Variants in POLQ observed in about 807,000 individuals in gnomAD.
The protein encoded by POLQ is epididymis secretory sperm binding protein.
Under a neutral mutation model 259.2 loss-of-function variants are expected in POLQ, and 233 were observed. The ratio of observed to expected loss-of-function variants is 0.90; its 90% CI spans 0.81 to 1.00. The LOEUF is 1.00. POLQ is among the 50% of genes least tolerant of loss of function. The pLI, the probability that POLQ is intolerant of heterozygous loss-of-function variation, is 0.00. For missense variants in POLQ, 2,871 were observed against 3,051.6 expected (o/e 0.94, Z 1.39); for synonymous variants, 1,025 against 1,048.8 (o/e 0.98, Z 0.44).
At chr3:121,523,439 C>T (rs758497189) in intron 7 of POLQ, among the ~76,000 whole-genome samples, 2 of 152,038 alleles carry the variant, frequency 1.3e-5, no homozygotes, top group Non-Finnish European at 2.9e-5. Flanking sequence ...TGGCTGGGCA[C>T]GGTGGCTGAC....
intron 25 of POLQ, among the ~76,000 whole-genome samples, chr3:121,457,300 A>C (rs2047749598): frequency 6.6e-6 from 1 of 152,192 alleles, no homozygotes; most frequent in Admixed American, 6.5e-5. Context: ...AACCTAGGCA[A>C]TACCATTCAG....
At chr3:121,438,440 T>C (rs1355620333) in intron 27 of POLQ, among the ~76,000 whole-genome samples, 1 of 152,206 alleles carries the variant, frequency 6.6e-6, no homozygotes, top group African/African-American at 2.4e-5. Context: ...AGTCCAAGTT[T>C]CTCAGCCTGC....
intron 12 of POLQ, 37 bp from the exon 13 acceptor site, chr3:121,498,707 T>C (rs766770682): frequency 1.2e-4 from 170 of 1,423,436 alleles, no homozygotes; most frequent in Admixed American, 2.5e-4. Context: ...ACTAAAACTA[T>C]TATATTACAA....
chr3:121,481,673 C>G lies in POLQ; in HGVS notation c.6110G>C (p.Gly2037Ala). The part of the protein sequence containing the change: ...QGIQSLGLNA[G>A]SEHSGRYRAS... The stretch of plus-strand genomic sequence containing the variant: ...TCTGTATCGCCCAGAATGCTCACTG[C>G]CAGCATTTAGCCCCAGGCTTTGAAT... Residue 2037 changes from glycine to alanine, a missense_variant, in exon 19 of 30, where the codon GGC (glycine) becomes GCC (alanine). Coordinates refer to ENST00000264233, the MANE Select transcript of POLQ (RefSeq NM_199420.4). 1 of 1,614,046 alleles carries G rather than the reference C, an allele frequency of 6.2e-7. No individual in the cohort carries two copies. Among genetic ancestry groups the G allele is most frequent in the South Asian group, 1.1e-5 (1 of 91,086 alleles).
intron 26 of POLQ, among the ~76,000 whole-genome samples, chr3:121,440,918 C>G (rs1172355532): frequency 6.6e-6 from 1 of 152,038 alleles, no homozygotes; most frequent in Non-Finnish European, 1.5e-5. Flanking sequence ...ATAAACATGA[C>G]CCACTTCTTA....
Position 121,541,625 on chromosome 3 carries a change from C to T in POLQ, c.344-146G>A, listed in dbSNP as rs2048490794. On this transcript the variant is annotated intron_variant, in intron 2 of 29. Transcript: ENST00000264233. ...CCAATAGCACTTAAAATCTTTATAC[C>T]CTGAAATGCCCTTTACTTTAAACCA... is the stretch of plus-strand genomic sequence containing the variant. The T allele has an allele frequency of 4.7e-6, 3 of 634,060 alleles. No individual in the cohort carries two copies. In the East Asian group the frequency reaches 8.2e-5, roughly 17 times the overall value. 39.3% of individuals were successfully genotyped at this position (634,060 alleles called of 1,614,324 possible). A position where few individuals can be genotyped will look rare whatever the true frequency, so the allele number is the denominator to read the frequency against.
chr3:121,464,623 A>G (rs1039669668), intron 24 of POLQ, among the ~76,000 whole-genome samples: 2 of 152,178 alleles, frequency 1.3e-5, no homozygotes, highest in African/African-American at 4.8e-5. Context: ...TCTAAAATCT[A>G]AAACTTTCTG....
At chr3:121,466,123 T>G (rs1221932222) in intron 24 of POLQ, among the ~76,000 whole-genome samples, 2 of 152,006 alleles carry the variant, frequency 1.3e-5, no homozygotes, top group African/African-American at 4.8e-5. Flanking sequence ...TGGAGAAAAT[T>G]TAAGTGGTCT....
intron 6 of POLQ, among the ~76,000 whole-genome samples, chr3:121,531,406 CTTG>C (rs1282686078): frequency 6.6e-6 from 1 of 152,012 alleles, no homozygotes; most frequent in Non-Finnish European, 1.5e-5. Context: ...GCCAGAAACT[CTTG>C]TTGTATTAAA....
intron 7 of POLQ, among the ~76,000 whole-genome samples, chr3:121,526,826 G>A (rs1008878976): frequency 1.3e-5 from 2 of 152,006 alleles, no homozygotes; most frequent in African/African-American, 4.8e-5. Flanking sequence ...AATCGTAGTA[G>A]AGTCTATAGG....
intron 14 of POLQ, chr3:121,494,556 A>C: frequency 6.3e-7 from 1 of 1,582,716 alleles, no homozygotes; most frequent in Non-Finnish European, 8.6e-7. Flanking sequence ...GTGGAGAACA[A>C]GAAAGCTCAG....
Position 121,436,124 on chromosome 3 carries a change from G to T in POLQ, c.7541C>A (p.Thr2514Lys). Residue 2514 changes from threonine (T) to lysine (K), a missense_variant and splice_region_variant, in exon 28 of 30, where the codon ACA becomes AAA. By Grantham distance (78) the Thr-to-Lys change is moderately conservative (BLOSUM62 -1). This residue lies in a region of POLQ where 2,080 missense variants were observed against 2,126.0 expected (regional missense o/e 0.98). Coordinates refer to ENST00000264233, the MANE Select transcript of POLQ (RefSeq NM_199420.4). ...HREGMLQSDQ[T>K]GLSRKRKLQG... ...ACAGGCCTCATCTATGAACAAACCTGTTTGGTCACTTTGGAGCATACCCTC... is the reference window on the plus strand; with the variant it reads ...ACAGGCCTCATCTATGAACAAACCTTTTTGGTCACTTTGGAGCATACCCTC... 6.2e-7 allele frequency: 1 copy of T among 1,612,490 alleles called. No homozygotes were observed.
chr3:121,517,370 TG>T (rs1235005977), intron 9 of POLQ, among the ~76,000 whole-genome samples: 2 of 152,108 alleles, frequency 1.3e-5, no homozygotes, highest in East Asian at 1.9e-4. Flanking sequence ...TTGGAAGTTT[TG>T]TTTTTTTTTT....
chr3:121,503,851 G>A (rs1046654856), intron 12 of POLQ, among the ~76,000 whole-genome samples: 1 of 152,198 alleles, frequency 6.6e-6, no homozygotes, highest in South Asian at 2.1e-4. Context: ...TGTATGTTCA[G>A]TACAGAAAAA....
intron 24 of POLQ, among the ~76,000 whole-genome samples, chr3:121,460,464 C>T (rs988156499): frequency 6.6e-6 from 1 of 152,128 alleles, no homozygotes; most frequent in East Asian, 1.9e-4. Context: ...GGTAAAGCCA[C>T]CCTGACATCT....
Position 121,487,625 on chromosome 3 carries a change from C to A in POLQ, c.5306G>T (p.Gly1769Val), listed in dbSNP as rs141474955. Residue 1769 changes from glycine (G) to valine (V), a missense_variant, in exon 16 of 30, where the codon GGT (glycine) becomes GTT (valine). Coordinates refer to ENST00000264233, the MANE Select transcript of POLQ (RefSeq NM_199420.4). ...AGGTGAGCCAAATAAATAACTTTCA[C>A]CAGGTTGTAAAACATTATTAGTTTT... ...PWKTNNVLQP[G>V]ESYLFGSPSD... 9.4e-5 allele frequency: 151 copies of A among 1,613,698 alleles called. No homozygotes were observed. Among genetic ancestry groups the A allele is most frequent in the Non-Finnish European group, 1.2e-4 (140 of 1,179,886 alleles).
intron 27 of POLQ, 152 bp downstream of exon 27, chr3:121,439,840 C>A (rs953763011): frequency 4.0e-5 from 27 of 669,596 alleles, no homozygotes; most frequent in Non-Finnish European, 5.8e-5. Flanking sequence ...CTTCAGAAGT[C>A]CTTAATGAAA....
Position 121,460,840 on chromosome 3 carries a change from G to A in POLQ, c.6968-606C>T, listed in dbSNP as rs114717670. ...TTTACCTATAGATTAGAAATGGGTG[G>A]ATTAGATATGCATGACAAAACAAAA... On this transcript the variant is annotated intron_variant, in intron 24 of 29. Transcript: ENST00000264233. Among the ~76,000 whole-genome samples, 1,449 of 152,186 alleles carry A rather than the reference G, an allele frequency of 9.5e-3. 7 individuals carry two copies. Among genetic ancestry groups the A allele is most frequent in the Middle Eastern group, 0.02 (6 of 294 alleles).
chr3:121,433,185 G>A (rs895914960), intron 28 of POLQ, 152 bp from the exon 29 acceptor site: 12 of 612,978 alleles, frequency 2.0e-5, no homozygotes, highest in African/African-American at 3.7e-5. Flanking sequence ...CTTGCTGGTC[G>A]CTACCTACCC....
Sources: gnomAD v4.1 joint callset for allele counts (sites outside exome capture counted in the v4.1 genomes callset) on GRCh38, gnomAD v4.1.1 for gene constraint, gnomAD v4.1.1 regional missense constraint, MANE v1.5 for transcripts, NCBI Gene and HGNC (gene_info 2026-07-23, HGNC 2026-07-21) for gene names.